The following LTBP1 variants were observed in gnomAD, a reference collection of about 807,000 sequenced individuals.
LTBP1 encodes the protein latent transforming growth factor beta binding protein 1.
Under a neutral mutation model 207.6 loss-of-function variants are expected in LTBP1, and 129 were observed. The observed-to-expected ratio is 0.62, with a 90% confidence interval of 0.54 to 0.72. The LOEUF is 0.72. Among genes scored for constraint, LTBP1 ranks in the 30% least tolerant of loss-of-function variants. LTBP1 has a pLI of 0.00. For synonymous variants in LTBP1, 963 were observed against 833.7 expected, an observed-to-expected ratio of 1.16 and a Z score of -2.67; for missense variants, 2,281 against 2,217.2, an observed-to-expected ratio of 1.03 and a Z score of -0.58.
chr2:33,364,259 G>A lies in LTBP1; in HGVS notation c.4443G>A (p.Gln1481=), dbSNP rs764748248. The part of the protein sequence containing the change: ...CQDPSSCIDG[Q]CVNTEGSYNC... ...ACCCCAGTAGTTGTATTGATGGCCA[G>A]TGTGTTAATACAGAGGGCTCTTACA... Residue 1481 remains glutamine, a synonymous_variant, in exon 30 of 34, where the codon CAG becomes CAA. Coordinates refer to ENST00000404816, the MANE Select transcript of LTBP1 (RefSeq NM_206943.4). 3.1e-6 allele frequency: 5 copies of A among 1,614,052 alleles called. No individual in the cohort carries two copies. Among genetic ancestry groups the A allele is most frequent in the Non-Finnish European group, 4.2e-6 (5 of 1,179,948 alleles).
At chr2:33,327,234 C>T (rs2094439426) in intron 24 of LTBP1, among the ~76,000 whole-genome samples, 1 of 152,070 alleles carries the variant, frequency 6.6e-6, no homozygotes, top group African/African-American at 2.4e-5. Flanking sequence ...TAAACTATGA[C>T]CTATCTTTTG....
intron 10 of LTBP1, 92 bp downstream of exon 10, chr2:33,243,876 C>A: frequency 1.4e-6 from 2 of 1,390,786 alleles, no homozygotes; most frequent in Non-Finnish European, 2.0e-6. Flanking sequence ...CAACTGAATG[C>A]TTGTAAATAT....
rs375339210 is a variant in LTBP1 at position 33,265,693 on chromosome 2, GT to G, written c.2617+2310del. On this transcript the variant is annotated intron_variant, in intron 15 of 33. Coordinates refer to ENST00000404816, the MANE Select transcript of LTBP1 (RefSeq NM_206943.4). ...GAAAATACACTAGATATTAGCAGTG[GT>G]TTTTTTTTAGTGGCATCTGAGAGAT... is the stretch of plus-strand genomic sequence containing the variant. Among the ~76,000 whole-genome samples the G allele has an allele frequency of 9.4e-3, 1,415 of 150,682 alleles. 31 individuals carry two copies. Among genetic ancestry groups the G allele is most frequent in the African/African-American group, 0.033 (1,353 of 41,140 alleles).
intron 3 of LTBP1, among the ~76,000 whole-genome samples, chr2:33,074,050 A>G (rs986241256): frequency 5.9e-5 from 9 of 152,220 alleles, no homozygotes; most frequent in Non-Finnish European, 1.3e-4. Flanking sequence ...AAGTAGTAGC[A>G]TTCTGCACAT....
chr2:33,377,071 A>G (rs181774400), intron 31 of LTBP1, among the ~76,000 whole-genome samples: 4 of 152,342 alleles, frequency 2.6e-5, no homozygotes, highest in South Asian at 2.1e-4. Flanking sequence ...AAAAGCAAAC[A>G]TGGTTTGCCG....
At chr2:33,024,970 G>T (rs944898162) in intron 3 of LTBP1, among the ~76,000 whole-genome samples, 1 of 152,238 alleles carries the variant, frequency 6.6e-6, no homozygotes, top group Non-Finnish European at 1.5e-5. Context: ...TTTCATGGCT[G>T]TTGGCAGGAG....
chr2:33,332,819 G>T (rs972785808), intron 24 of LTBP1: 2 of 152,272 alleles, frequency 1.3e-5, no homozygotes, highest in African/African-American at 2.4e-5. Context: ...TGAGCTCAGG[G>T]CAAAGCCTCT....
At chr2:33,365,803 A>G (rs1016108143) in intron 31 of LTBP1, among the ~76,000 whole-genome samples, 4 of 152,160 alleles carry the variant, frequency 2.6e-5, no homozygotes, top group South Asian at 2.1e-4. Context: ...TAGAATTTAT[A>G]TTTCCTGGCA....
chr2:33,310,416 C>G (rs1467213556), intron 23 of LTBP1, among the ~76,000 whole-genome samples: 1 of 152,166 alleles, frequency 6.6e-6, no homozygotes, highest in Non-Finnish European at 1.5e-5. Flanking sequence ...CTAATAATAA[C>G]AATCACAGCA....
intron 3 of LTBP1, among the ~76,000 whole-genome samples, chr2:33,075,661 T>C (rs1222213823): frequency 6.6e-6 from 1 of 152,234 alleles, no homozygotes; most frequent in African/African-American, 2.4e-5. Flanking sequence ...CAACATCTGA[T>C]TTTGAAGTTA....
chr2:33,142,651 CG>C (rs1558696206), intron 5 of LTBP1, among the ~76,000 whole-genome samples: 1 of 151,560 alleles, frequency 6.6e-6, no homozygotes, highest in Non-Finnish European at 1.5e-5. Context: ...GGCAGTGGGG[CG>C]GGGGGCAGAG....
chr2:33,093,905 G>A (rs947117981), intron 3 of LTBP1, among the ~76,000 whole-genome samples: 1 of 152,064 alleles, frequency 6.6e-6, no homozygotes, highest in African/African-American at 2.4e-5. Context: ...GACATAACTA[G>A]TTCTTTTTAT....
intron 5 of LTBP1, among the ~76,000 whole-genome samples, chr2:33,148,912 A>G (rs1361914423): frequency 1.3e-5 from 2 of 152,136 alleles, no homozygotes; most frequent in African/African-American, 2.4e-5. Flanking sequence ...GTGTCCTACA[A>G]CGTACAAGAG....
chr2:33,188,427 CAA>C (rs577171233), intron 6 of LTBP1, 148 bp from the exon 7 acceptor site: 4,780 of 344,442 alleles, frequency 0.014, no homozygotes, highest in East Asian at 0.024. Flanking sequence ...AACTCCATCT[CAA>C]AAAAAAAAAA....
At chr2:33,383,774 T>C (rs531334954) in intron 31 of LTBP1, among the ~76,000 whole-genome samples, 1 of 152,280 alleles carries the variant, frequency 6.6e-6, no homozygotes, top group East Asian at 1.9e-4. Flanking sequence ...TGGGCTCAAG[T>C]GATCTGCCCA....
At chr2:33,314,497 C>A (rs1174868422) in intron 23 of LTBP1, among the ~76,000 whole-genome samples, 1 of 152,148 alleles carries the variant, frequency 6.6e-6, no homozygotes, top group Non-Finnish European at 1.5e-5. Context: ...TGCAGTGAGC[C>A]ATGATCATGC....
At chr2:33,216,130 G>A (rs956480010) in intron 7 of LTBP1, among the ~76,000 whole-genome samples, 26 of 152,094 alleles carry the variant, frequency 1.7e-4, no homozygotes, top group Admixed American at 1.6e-3. Flanking sequence ...CATTTGCAAC[G>A]TGTACTGTGT....
At chr2:33,186,432 C>T (rs2087206445) in intron 5 of LTBP1, among the ~76,000 whole-genome samples, 1 of 152,030 alleles carries the variant, frequency 6.6e-6, no homozygotes, top group Non-Finnish European at 1.5e-5. Context: ...TTAAGGTTAC[C>T]AGGCCATACA....
intron 25 of LTBP1, among the ~76,000 whole-genome samples, chr2:33,343,404 C>T: frequency 8.0e-6 from 1 of 124,252 alleles, no homozygotes; most frequent in African/African-American, 4.1e-5. Context: ...GAGAAAGACC[C>T]TGTCTCAAAA....
Sources: allele counts gnomAD v4.1 joint callset (sites outside exome capture counted in the v4.1 genomes callset), GRCh38; gene constraint gnomAD v4.1.1; transcripts MANE v1.5; gene names NCBI Gene and HGNC (gene_info 2026-07-23, HGNC 2026-07-21).